PLXNA4: variants seen among roughly 807,000 people sequenced by gnomAD.
PLXNA4 encodes plexin-A4.
In PLXNA4, 44 loss-of-function variants were observed where a neutral mutation model predicts 191.8. That is an observed-to-expected ratio of 0.23 (90% confidence interval 0.18 to 0.29). The LOEUF (loss-of-function observed/expected upper bound fraction) is 0.29. Ranked by LOEUF, PLXNA4 falls within the 10% of genes least tolerant of loss-of-function variation. PLXNA4 has a pLI of 1.00. For synonymous variants in PLXNA4, 1,082 were observed against 1,009.5 expected (o/e 1.07, Z -1.36); for missense variants, 1,800 against 2,488.8 (o/e 0.72, Z 5.89).
intron 2 of PLXNA4, among the ~76,000 whole-genome samples, chr7:132,638,502 A>C (rs1803653581): frequency 1.3e-5 from 2 of 152,012 alleles, no homozygotes; most frequent in Admixed American, 6.6e-5. Context: ...AAATACAAAA[A>C]TTAACTGGGC....
Position 132,258,873 on chromosome 7 carries a change from C to A in PLXNA4, c.1504-17707G>T, listed in dbSNP as rs142205536. On this transcript the variant is annotated intron_variant, in intron 4 of 31. Coordinates refer to ENST00000321063, the MANE Select transcript of PLXNA4 (RefSeq NM_020911.2). ...TAACCACTCAATGCAGATATTTATG[C>A]TATGTGTTTGCCAGTTACATCCAAT... Among the ~76,000 whole-genome samples, 5 of 152,240 alleles carry A rather than the reference C, an allele frequency of 3.3e-5. No homozygotes were observed. The East Asian group carries it at 9.6e-4, about 29-fold the overall frequency.
intron 1 of PLXNA4, among the ~76,000 whole-genome samples, chr7:132,571,950 A>G (rs1452269813): frequency 6.6e-6 from 1 of 152,078 alleles, no homozygotes; most frequent in African/African-American, 2.4e-5. Flanking sequence ...TAACCTACCA[A>G]CAGCCAAGGA....
intron 3 of PLXNA4, among the ~76,000 whole-genome samples, chr7:132,350,553 T>C (rs921231227): frequency 6.6e-5 from 10 of 152,154 alleles, no homozygotes; most frequent in Admixed American, 1.3e-4. Context: ...TTAACTCCAT[T>C]CAGAGAAATG....
rs201664959 is a variant in PLXNA4 at position 132,146,688 on chromosome 7, C to T, written c.4877G>A (p.Arg1626Gln). The T allele has an allele frequency of 5.7e-5, 92 of 1,613,924 alleles. No homozygotes were observed. The highest frequency in any genetic ancestry group is 2.2e-5 in the East Asian group (1 of 44,874). Residue 1626 changes from arginine to glutamine, a missense_variant, in exon 28 of 32, where the codon CGG (arginine) becomes CAG (glutamine). Physicochemically the swap from Arg to Gln is conservative, Grantham distance 43. Transcript: ENST00000321063. The stretch of plus-strand genomic sequence containing the variant: ...GAGGCTGTCGGGGCTGCCCGTGTAC[C>T]GGATCATGTTTTCTGCCAAGGCAAG... ...TSASKYENMI[R>Q]YTGSPDSLRS... is the part of the protein sequence containing the mutation.
chr7:132,509,528 A>G (rs530474298), intron 1 of PLXNA4, among the ~76,000 whole-genome samples: 29 of 152,344 alleles, frequency 1.9e-4, no homozygotes, highest in African/African-American at 6.3e-4. Flanking sequence ...AAGCAAGCTT[A>G]GGGAAGTCAT....
chr7:132,152,254 G>C (rs1023291523), intron 25 of PLXNA4, among the ~76,000 whole-genome samples: 1 of 152,270 alleles, frequency 6.6e-6, no homozygotes, highest in East Asian at 1.9e-4. Flanking sequence ...AAGCTGCATG[G>C]CTGGGCTCAT....
chr7:132,245,705 G>T (rs909594789), intron 4 of PLXNA4, among the ~76,000 whole-genome samples: 2 of 152,158 alleles, frequency 1.3e-5, no homozygotes, highest in Non-Finnish European at 2.9e-5. Context: ...ACAGATGAAT[G>T]GACAAACAAT....
At chr7:132,639,016 C>T (rs1764353369) in intron 2 of PLXNA4, among the ~76,000 whole-genome samples, 1 of 152,170 alleles carries the variant, frequency 6.6e-6, no homozygotes, top group African/African-American at 2.4e-5. Flanking sequence ...GTGGGCACCC[C>T]TCGCATGGTG....
chr7:132,279,686 A>G (rs1425955485), intron 4 of PLXNA4, among the ~76,000 whole-genome samples: 3 of 152,156 alleles, frequency 2.0e-5, no homozygotes, highest in Admixed American at 2.0e-4. Context: ...AGGTCTCACA[A>G]GTCAAGAACT....
At chr7:132,132,495 CTTTTCTAT>C (rs1563048548) in intron 31 of PLXNA4, among the ~76,000 whole-genome samples, 45 of 31,406 alleles carry the variant, frequency 1.4e-3, no homozygotes, top group Admixed American at 3.8e-3. Flanking sequence ...CTGCTCTATT[CTTTTCTAT>C]TCTATTCTAT....
chr7:132,235,496 C>A (rs1798668206), intron 5 of PLXNA4, among the ~76,000 whole-genome samples: 1 of 152,184 alleles, frequency 6.6e-6, no homozygotes, highest in East Asian at 1.9e-4. Context: ...GTAACCCCTG[C>A]CAACCTATCC....
chr7:132,342,973 T>G (rs1036327669), intron 3 of PLXNA4, among the ~76,000 whole-genome samples: 3 of 138,924 alleles, frequency 2.2e-5, no homozygotes, highest in Non-Finnish European at 3.1e-5. Flanking sequence ...AAAAAAAAAA[T>G]TAAAAAAGAA....
At chr7:132,252,675 G>A (rs1382890784) in intron 4 of PLXNA4, among the ~76,000 whole-genome samples, 1 of 152,130 alleles carries the variant, frequency 6.6e-6, no homozygotes, top group African/African-American at 2.4e-5. Flanking sequence ...GAGTAATTTG[G>A]CAGTTATTAC....
At chr7:132,150,291 G>GTT (rs778086300) in intron 25 of PLXNA4, among the ~76,000 whole-genome samples, 1 of 152,090 alleles carries the variant, frequency 6.6e-6, no homozygotes, top group Admixed American at 6.5e-5. Context: ...TTTTTGTTTT[G>GTT]TTTTTTATTT....
intron 1 of PLXNA4, among the ~76,000 whole-genome samples, chr7:132,564,411 C>CCT (rs1801618522): frequency 6.6e-6 from 1 of 151,016 alleles, no homozygotes; most frequent in Non-Finnish European, 1.5e-5. Context: ...TTGCTCCTCC[C>CCT]CCTCCTTCTC....
At chr7:132,474,636 ACGCG>A (rs138304333) in intron 3 of PLXNA4, among the ~76,000 whole-genome samples, 4,290 of 151,762 alleles carry the variant, frequency 0.028, 122 homozygotes, top group African/African-American at 0.073. Context: ...ACACACACAC[ACGCG>A]CGCGCACGCA....
intron 4 of PLXNA4, among the ~76,000 whole-genome samples, chr7:132,273,073 C>A (rs1036596560): frequency 6.6e-6 from 1 of 152,066 alleles, no homozygotes; most frequent in Admixed American, 6.6e-5. Flanking sequence ...AAATGTTTGA[C>A]AAATGAATAA....
intron 3 of PLXNA4, among the ~76,000 whole-genome samples, chr7:132,334,745 T>C (rs754028592): frequency 1.3e-5 from 2 of 152,148 alleles, no homozygotes; most frequent in Non-Finnish European, 2.9e-5. Context: ...TGGATAATAG[T>C]TGTACTAGAC....
At chr7:132,217,897 CTTTTTTTTTTTTTTTT>C (rs138576612) in intron 9 of PLXNA4, among the ~76,000 whole-genome samples, 5 of 43,422 alleles carry the variant, frequency 1.2e-4, no homozygotes, top group Admixed American at 9.5e-4. Context: ...GCTGGATTTG[CTTTTTTTTTTTTTTTT>C]TTTTTTTTTT....
Sources: allele counts gnomAD v4.1 joint callset (sites outside exome capture counted in the v4.1 genomes callset), GRCh38; gene constraint gnomAD v4.1.1; transcripts MANE v1.5; gene names NCBI Gene and HGNC (gene_info 2026-07-23, HGNC 2026-07-21).